Variants in GRIK1 observed in about 807,000 individuals in gnomAD.
GRIK1 encodes glutamate ionotropic receptor kainate type subunit 1, also known as glutamate receptor ionotropic, kainate 1.
In GRIK1, 69 loss-of-function variants were observed where a neutral mutation model predicts 105.7. The observed-to-expected ratio is 0.65, with a 90% confidence interval of 0.54 to 0.80. GRIK1 has a LOEUF of 0.80. Ranked by LOEUF, GRIK1 falls within the 30% of genes least tolerant of loss-of-function variation. GRIK1 has a pLI of 0.00. For synonymous variants in GRIK1, 438 were observed against 431.3 expected, an observed-to-expected ratio of 1.02 and a Z score of -0.19; for missense variants, 1,109 against 1,167.3, an observed-to-expected ratio of 0.95 and a Z score of 0.73.
At chr21:29,685,114 T>C (rs1385135140) in intron 3 of GRIK1, among the ~76,000 whole-genome samples, 1 of 152,238 alleles carries the variant, frequency 6.6e-6, no homozygotes, top group Non-Finnish European at 1.5e-5. Flanking sequence ...CTGGATATTT[T>C]TGTTTATGTC....
chr21:29,748,121 T>C (rs577187158), intron 1 of GRIK1: 1 of 152,356 alleles, frequency 6.6e-6, no homozygotes, highest in South Asian at 2.1e-4. Context: ...TATTTACATA[T>C]TGTTTCTCCC....
intron 3 of GRIK1, among the ~76,000 whole-genome samples, chr21:29,685,009 T>C (rs191097005): frequency 6.6e-6 from 1 of 152,304 alleles, no homozygotes; most frequent in African/African-American, 2.4e-5. Flanking sequence ...TTTATCTATC[T>C]ACCTACCTGT....
intron 1 of GRIK1, among the ~76,000 whole-genome samples, chr21:29,886,770 A>G (rs2069645292): frequency 6.6e-6 from 1 of 152,194 alleles, no homozygotes; most frequent in Non-Finnish European, 1.5e-5. Flanking sequence ...ACAGCCAAAT[A>G]TCGGAGTGCA....
At chr21:29,583,121 G>A (rs376091705) in intron 12 of GRIK1, among the ~76,000 whole-genome samples, 13 of 152,074 alleles carry the variant, frequency 8.5e-5, no homozygotes, top group African/African-American at 2.9e-4. Context: ...AATGGAATCC[G>A]ACTCATTACT....
intron 1 of GRIK1, among the ~76,000 whole-genome samples, chr21:29,720,394 G>A (rs1025269678): frequency 1.4e-4 from 22 of 152,168 alleles, no homozygotes; most frequent in African/African-American, 5.3e-4. Flanking sequence ...GCCTGTGCCA[G>A]CTAATATGTC....
intron 1 of GRIK1, among the ~76,000 whole-genome samples, chr21:29,919,124 G>A (rs1486124403): frequency 6.6e-6 from 1 of 152,030 alleles, no homozygotes; most frequent in Non-Finnish European, 1.5e-5. Context: ...GAGGAACTCA[G>A]CCACAACATC....
At chr21:29,908,869 C>G (rs537556195) in intron 1 of GRIK1, among the ~76,000 whole-genome samples, 9 of 152,128 alleles carry the variant, frequency 5.9e-5, no homozygotes, top group Non-Finnish European at 1.3e-4. Context: ...TTGGTCTGTT[C>G]ATAAATTATT....
intron 1 of GRIK1, among the ~76,000 whole-genome samples, chr21:29,781,801 G>A (rs1184603899): frequency 2.1e-5 from 3 of 145,392 alleles, no homozygotes; most frequent in Non-Finnish European, 3.0e-5. Context: ...CTCCCCAGTA[G>A]CTGGGACTAC....
chr21:29,671,104 T>C (rs2063151579), intron 4 of GRIK1, among the ~76,000 whole-genome samples: 1 of 152,112 alleles, frequency 6.6e-6, no homozygotes, highest in Non-Finnish European at 1.5e-5. Context: ...CAACTTTGTG[T>C]TCCCAACTTT....
intron 16 of GRIK1, among the ~76,000 whole-genome samples, chr21:29,538,501 A>G (rs1405743622): frequency 6.6e-6 from 1 of 152,170 alleles, no homozygotes; most frequent in East Asian, 1.9e-4. Context: ...CTTCTGTACA[A>G]CATTGTGCCT....
rs546558343 is a variant in GRIK1, at chr21:29,872,280, G to A, written c.118+67103C>T. Among the ~76,000 whole-genome samples, 32 of 147,324 alleles carry A rather than the reference G, an allele frequency of 2.2e-4. 1 individual carries two copies. The South Asian group carries it at 5.6e-3, about 26-fold the overall frequency. On this transcript the variant is annotated intron_variant, in intron 1 of 17. Coordinates refer to ENST00000327783, the MANE Select transcript of GRIK1 (RefSeq NM_001330994.2). ...GCGATCTTGGCTCACTGCAAGCTCC[G>A]CTTCCTGGGTTCACGCCATTCTCCT...
chr21:29,588,014 G>T (rs901395071), intron 11 of GRIK1, among the ~76,000 whole-genome samples: 2 of 113,522 alleles, frequency 1.8e-5, no homozygotes, highest in African/African-American at 7.1e-5. Flanking sequence ...TCACTCTGTC[G>T]CCCAGGCTAG....
rs557784077 is a variant in GRIK1 at position 29,934,710 on chromosome 21, T to C, written c.118+4673A>G. Among the ~76,000 whole-genome samples the C allele has an allele frequency of 4.6e-5, 7 of 152,328 alleles. No homozygotes were observed. In the South Asian group the frequency reaches 1.4e-3, roughly 32 times the overall value. ...GACCAGAATAGCTAGTTTCAATTTCTGGTATTTCTACCAGTAATAACTGAA... is the reference window on the plus strand; with the variant it reads ...GACCAGAATAGCTAGTTTCAATTTCCGGTATTTCTACCAGTAATAACTGAA... On this transcript the variant is annotated intron_variant, in intron 1 of 17. Transcript: ENST00000327783.
intron 1 of GRIK1, among the ~76,000 whole-genome samples, chr21:29,770,179 C>T (rs1231810149): frequency 6.6e-6 from 1 of 152,140 alleles, no homozygotes; most frequent in African/African-American, 2.4e-5. Context: ...AGACAACTCG[C>T]GTTTTAAATT....
intron 1 of GRIK1, chr21:29,760,602 C>T (rs1270909817): frequency 2.0e-5 from 3 of 152,182 alleles, no homozygotes; most frequent in Admixed American, 6.5e-5. Flanking sequence ...TGGGTGGCAC[C>T]GTGGTATGCG....
At chr21:29,906,863 C>T (rs370112881) in intron 1 of GRIK1, among the ~76,000 whole-genome samples, 58 of 152,092 alleles carry the variant, frequency 3.8e-4, no homozygotes, top group African/African-American at 1.3e-3. Context: ...TTAGGACTAA[C>T]TACATGAAGG....
chr21:29,581,073 C>T (rs1411979262), intron 13 of GRIK1, among the ~76,000 whole-genome samples: 4 of 152,092 alleles, frequency 2.6e-5, no homozygotes, highest in African/African-American at 4.8e-5. Context: ...ATTTAGATCC[C>T]GCTCCTTTAA....
At chr21:29,907,653 T>G (rs144588944) in intron 1 of GRIK1, among the ~76,000 whole-genome samples, 77 of 152,218 alleles carry the variant, frequency 5.1e-4, no homozygotes, top group African/African-American at 1.8e-3. Flanking sequence ...TCAAAAGGCA[T>G]TCTATATGAA....
At chr21:29,690,745 T>C (rs1264621470) in intron 2 of GRIK1, among the ~76,000 whole-genome samples, 1 of 151,250 alleles carries the variant, frequency 6.6e-6, no homozygotes, top group South Asian at 2.1e-4. Context: ...AACATAAATG[T>C]ATTTTTCTCA....
Sources: gnomAD v4.1 joint callset for allele counts (sites outside exome capture counted in the v4.1 genomes callset) on GRCh38, gnomAD v4.1.1 for gene constraint, MANE v1.5 for transcripts, NCBI Gene and HGNC (gene_info 2026-07-23, HGNC 2026-07-21) for gene names.